The following RTTN variants were observed in gnomAD, a reference collection of about 807,000 sequenced individuals.
RTTN encodes the protein rotatin.
Under a neutral mutation model 269.2 loss-of-function variants are expected in RTTN, and 182 were observed. The observed-to-expected ratio is 0.68, with a 90% CI of 0.60 to 0.76. RTTN has a LOEUF of 0.76. RTTN is among the 30% of genes least tolerant of loss of function. The probability of loss-of-function intolerance (pLI) is 0.00; values close to 1 mark genes in which losing one functional copy is unlikely to be tolerated. For missense variants in RTTN, 2,545 were observed against 2,608.6 expected, an observed-to-expected ratio of 0.98 and a Z score of 0.53; for synonymous variants, 1,006 against 963.5, an observed-to-expected ratio of 1.04 and a Z score of -0.82.
At chr18:70,103,190 C>T (rs955804930) in intron 28 of RTTN, among the ~76,000 whole-genome samples, 5 of 152,098 alleles carry the variant, frequency 3.3e-5, no homozygotes, top group Non-Finnish European at 7.3e-5. Flanking sequence ...AGCGCCTCTG[C>T]CTGGCCGCTG....
Position 70,177,867 on chromosome 18 carries a change from T to C in RTTN, c.1306-1022A>G, listed in dbSNP as rs547658510. ...AAAATGGTGCAGCCACTGTGGAAAA[T>C]ATAATGGGCAGTTCCTCAAAAAAAC... On this transcript the variant is annotated intron_variant, in intron 10 of 48. Coordinates refer to ENST00000640769, the MANE Select transcript of RTTN (RefSeq NM_173630.4). Among the ~76,000 whole-genome samples, 9 of 152,052 alleles carry C rather than the reference T, an allele frequency of 5.9e-5. No individual in the cohort carries two copies. In the East Asian group the frequency reaches 1.5e-3, roughly 26 times the overall value.
chr18:70,049,069 A>G (rs553455748), intron 39 of RTTN, among the ~76,000 whole-genome samples: 6 of 152,336 alleles, frequency 3.9e-5, no homozygotes, highest in African/African-American at 1.2e-4. Flanking sequence ...ATAGTGTTAG[A>G]TAAATAAGTT....
intron 35 of RTTN, among the ~76,000 whole-genome samples, chr18:70,064,877 C>T (rs2144953201): frequency 6.6e-6 from 1 of 152,194 alleles, no homozygotes; most frequent in East Asian, 1.9e-4. Flanking sequence ...CAGAGTAAGG[C>T]AACATGCTTT....
intron 31 of RTTN, among the ~76,000 whole-genome samples, chr18:70,087,782 G>T (rs1428755209): frequency 6.6e-6 from 1 of 152,178 alleles, no homozygotes; most frequent in South Asian, 2.1e-4. Context: ...AGTATATTCC[G>T]ATTTTATCTT....
chr18:70,204,452 C>G (rs2062027665), intron 2 of RTTN, among the ~76,000 whole-genome samples, 189 bp from the exon 3 acceptor site: 2 of 152,216 alleles, frequency 1.3e-5, no homozygotes, highest in Non-Finnish European at 2.9e-5. Context: ...ATACATCCAA[C>G]ACTTGATAAC....
intron 40 of RTTN, among the ~76,000 whole-genome samples, chr18:70,038,930 T>C (rs1354710193): frequency 6.6e-6 from 1 of 152,180 alleles, no homozygotes; most frequent in Non-Finnish European, 1.5e-5. Context: ...AAAAATTCAA[T>C]TGGCATACTG....
intron 10 of RTTN, among the ~76,000 whole-genome samples, chr18:70,186,474 C>G (rs913728267): frequency 1.3e-5 from 2 of 152,126 alleles, no homozygotes; most frequent in South Asian, 2.1e-4. Context: ...CATGGCTCAG[C>G]CGGGCGCGGT....
chr18:70,177,731 T>C (rs1218575488), intron 10 of RTTN, among the ~76,000 whole-genome samples: 1 of 152,158 alleles, frequency 6.6e-6, no homozygotes, highest in Admixed American at 6.5e-5. Context: ...ATTTCTTCAA[T>C]TCAAGGATGA....
At chr18:70,175,464 C>G (rs557586914) in intron 11 of RTTN, among the ~76,000 whole-genome samples, 124 of 152,076 alleles carry the variant, frequency 8.2e-4, no homozygotes, top group Non-Finnish European at 1.5e-3. Context: ...AGACATAAAA[C>G]AAGTTACCAA....
intron 35 of RTTN, among the ~76,000 whole-genome samples, chr18:70,062,759 G>C (rs1464376071): frequency 6.6e-6 from 1 of 151,878 alleles, no homozygotes; most frequent in East Asian, 1.9e-4. Flanking sequence ...CCACAGGTGT[G>C]TGCCACCATG....
intron 37 of RTTN, among the ~76,000 whole-genome samples, chr18:70,056,965 A>G (rs569309369): frequency 6.6e-6 from 1 of 152,364 alleles, no homozygotes; most frequent in African/African-American, 2.4e-5. Flanking sequence ...GATTTGCTGG[A>G]TGGAGAGCAG....
At chr18:70,067,945 A>G (rs942080886) in intron 34 of RTTN, among the ~76,000 whole-genome samples, 12 of 152,256 alleles carry the variant, frequency 7.9e-5, no homozygotes, top group Non-Finnish European at 1.8e-4. Flanking sequence ...ATGCTTTTAG[A>G]AAGTACCTTA....
At chr18:70,085,143 T>C (rs993838002) in intron 32 of RTTN, among the ~76,000 whole-genome samples, 4 of 152,288 alleles carry the variant, frequency 2.6e-5, no homozygotes, top group Admixed American at 2.6e-4. Context: ...CAACATGTTT[T>C]AAAATGTAGT....
At chr18:70,023,383 T>G (rs948630868) in intron 44 of RTTN, among the ~76,000 whole-genome samples, 5 of 152,206 alleles carry the variant, frequency 3.3e-5, no homozygotes, top group African/African-American at 1.2e-4. Context: ...TTCAAACTTA[T>G]CTCTACACTC....
intron 32 of RTTN, among the ~76,000 whole-genome samples, chr18:70,086,352 T>C (rs1384486475): frequency 1.3e-5 from 2 of 152,168 alleles, no homozygotes; most frequent in African/African-American, 4.8e-5. Flanking sequence ...CAAGTTACTA[T>C]GTCTTACATT....
intron 28 of RTTN, among the ~76,000 whole-genome samples, chr18:70,095,993 CTT>C (rs541543529): frequency 2.0e-5 from 3 of 149,432 alleles, no homozygotes; most frequent in Non-Finnish European, 4.5e-5. Context: ...TGCTCATTCC[CTT>C]TTGTTTTTTT....
intron 46 of RTTN, among the ~76,000 whole-genome samples, chr18:70,016,710 C>T (rs749087858): frequency 5.7e-4 from 87 of 152,014 alleles, no homozygotes; most frequent in Non-Finnish European, 9.3e-4. Flanking sequence ...GAAGTCTCTG[C>T]GAGGCTCACT....
At chr18:70,092,946 TG>T in intron 28 of RTTN, 142 bp from the exon 29 acceptor site, 1 of 659,688 alleles carries the variant, frequency 1.5e-6, no homozygotes, top group Non-Finnish European at 2.3e-6. Context: ...TACTTAAAAA[TG>T]AATAAGATGG....
intron 27 of RTTN, among the ~76,000 whole-genome samples, chr18:70,110,235 T>TA (rs1473968126): frequency 1.3e-5 from 2 of 149,950 alleles, no homozygotes; most frequent in African/African-American, 2.5e-5. Flanking sequence ...CCATCCCTTT[T>TA]TAAAAAAAAA....
Sources: gnomAD v4.1 joint callset for allele counts (sites outside exome capture counted in the v4.1 genomes callset) on GRCh38, gnomAD v4.1.1 for gene constraint, MANE v1.5 for transcripts, NCBI Gene and HGNC (gene_info 2026-07-23, HGNC 2026-07-21) for gene names.